The following MGRN1 variants were observed in gnomAD, a reference collection of about 807,000 sequenced individuals.
MGRN1 encodes E3 ubiquitin-protein ligase MGRN1.
In MGRN1, 29 loss-of-function variants were observed where a neutral mutation model predicts 69.2. The observed-to-expected ratio is 0.42, with a 90% CI of 0.31 to 0.57. The LOEUF is 0.57. MGRN1 is among the 20% of genes least tolerant of loss of function. The pLI, the probability that MGRN1 is intolerant of heterozygous loss-of-function variation, is 0.15. For synonymous variants in MGRN1, 470 were observed against 344.2 expected (o/e 1.37, Z -4.04); for missense variants, 998 against 796.2 (o/e 1.25, Z -3.05).
rs1368841503 is a variant in MGRN1, at chr16:4,665,260, G to A, written c.678+109G>A. The A allele has an allele frequency of 2.5e-6, 3 of 1,200,622 alleles. No homozygotes were observed. The South Asian group carries it at 4.0e-5, about 16-fold the overall frequency. The allele number at this position is 1,200,622 out of a possible 1,614,324, so 74.4% of individuals were successfully genotyped here. On this transcript the variant is annotated intron_variant, in intron 7 of 16. Coordinates refer to ENST00000262370, the MANE Select transcript of MGRN1 (RefSeq NM_015246.4). ...GGCTGGGGCTTGGTGGGGTGGCTGA[G>A]TGTCAAGGGCCCCGGGGCAGGTTGG...
chr16:4,653,228 A>G (rs2078448043), intron 4 of MGRN1, among the ~76,000 whole-genome samples: 1 of 152,194 alleles, frequency 6.6e-6, no homozygotes, highest in Non-Finnish European at 1.5e-5. Flanking sequence ...AACCCAGGGA[A>G]ACACTTGGCT....
chr16:4,652,944 C>G, intron 4 of MGRN1, 120 bp downstream of exon 4: 2 of 1,281,064 alleles, frequency 1.6e-6, no homozygotes, highest in Non-Finnish European at 2.1e-6. Flanking sequence ...ACCATACTCC[C>G]AGGACTTTAC....
At chr16:4,664,314 T>G (rs1463081032) in intron 5 of MGRN1, 4 of 287,026 alleles carry the variant, frequency 1.4e-5, no homozygotes, top group Non-Finnish European at 2.7e-5. Flanking sequence ...AAATGGCAAA[T>G]CCCTGGAGAC....
At chr16:4,659,692 G>A (rs1373815309) in intron 5 of MGRN1, among the ~76,000 whole-genome samples, 1 of 152,276 alleles carries the variant, frequency 6.6e-6, no homozygotes, top group Non-Finnish European at 1.5e-5. Context: ...AGGGGCAGCT[G>A]CTGCTGCGGG....
chr16:4,642,192 G>A (rs1027924171), intron 1 of MGRN1, among the ~76,000 whole-genome samples: 27 of 150,530 alleles, frequency 1.8e-4, no homozygotes, highest in Admixed American at 1.1e-3. Flanking sequence ...GTGCAGTGGC[G>A]CGATTTCAGC....
At chr16:4,666,934 G>A (rs2078818411) in intron 7 of MGRN1, among the ~76,000 whole-genome samples, 1 of 152,214 alleles carries the variant, frequency 6.6e-6, no homozygotes, top group Admixed American at 6.5e-5. Context: ...ACCTGGCATG[G>A]GTTTCTGCTG....
rs2079398743 is a variant in MGRN1, at chr16:4,688,937, C to T, written c.*29C>T. On this transcript the variant is annotated 3_prime_UTR_variant, in exon 17 of 17. Transcript: ENST00000262370. The stretch of plus-strand genomic sequence containing the variant: ...CCTGGCCGAGCTGGCAGCATGGAGC[C>T]CTCGGCTCCCCAGACTTTGCCGAGG... The T allele has an allele frequency of 1.1e-5, 17 of 1,522,154 alleles. No individual in the cohort carries two copies. Among genetic ancestry groups the T allele is most frequent in the Admixed American group, 4.0e-5 (2 of 49,704 alleles). 94.3% of individuals were successfully genotyped at this position (1,522,154 alleles called of 1,614,324 possible).
intron 4 of MGRN1, among the ~76,000 whole-genome samples, chr16:4,656,882 A>AAAATAAAT (rs57256799): frequency 3.1e-4 from 46 of 146,840 alleles, no homozygotes; most frequent in African/African-American, 7.5e-4. Context: ...TCTTATCTCA[A>AAAATAAAT]AAATAAATAA....
chr16:4,655,562 C>T (rs1356878230), intron 4 of MGRN1, among the ~76,000 whole-genome samples: 1 of 151,454 alleles, frequency 6.6e-6, no homozygotes, highest in Non-Finnish European at 1.5e-5. Context: ...GGAACAGCTC[C>T]AGTGCCACTG....
At chr16:4,659,330 G>C (rs907578128) in intron 5 of MGRN1, among the ~76,000 whole-genome samples, 1 of 152,162 alleles carries the variant, frequency 6.6e-6, no homozygotes, top group Non-Finnish European at 1.5e-5. Flanking sequence ...GCTCTGGGGA[G>C]TGGGAGTTTG....
chr16:4,687,462 C>T, intron 16 of MGRN1: 2 of 948,910 alleles, frequency 2.1e-6, no homozygotes, highest in Non-Finnish European at 2.5e-6. Context: ...GGGAGGATTG[C>T]CGGAGCTGGG....
At chr16:4,649,472 C>T (rs905622803) in intron 1 of MGRN1, 1 of 152,218 alleles carries the variant, frequency 6.6e-6, no homozygotes, top group Non-Finnish European at 1.5e-5. Flanking sequence ...GCCCCAGGCA[C>T]TCATTGTCAT....
rs1202783949 is a variant in MGRN1, at chr16:4,682,869, A to C, written c.1405A>C (p.Lys469Gln). The change falls in exon 14 of 17, where the codon AAG becomes CAG. Residue 469 changes from lysine to glutamine, a missense_variant. Coordinates refer to ENST00000262370, the MANE Select transcript of MGRN1 (RefSeq NM_015246.4). ...CCCCATCCACGAAGAGGATGAGGAG[A>C]AGCTCTCCGAGGACGTGGACGCCCC... ...SSPIHEEDEE[K>Q]LSEDVDAPPP... 5.0e-6 allele frequency: 8 copies of C among 1,608,738 alleles called. No individual in the cohort carries two copies. The highest frequency in any genetic ancestry group is 6.8e-6 in the Non-Finnish European group (8 of 1,176,336).
At chr16:4,651,133 A>G (rs1370557410) in intron 2 of MGRN1, 1 of 152,018 alleles carries the variant, frequency 6.6e-6, no homozygotes, top group African/African-American at 2.4e-5. Flanking sequence ...AAGAATATTT[A>G]CTTTCCCTAG....
In MGRN1 at chr16:4,682,413, G is replaced by T. The variant is rs544612893; in HGVS notation, c.1359-410G>T. ...CTGTGCCTCAGGCCTGTCGGTTCTCGTAGAAGAGTGTCAGGAAGGCGCGGG... is the reference window on the plus strand; with the variant it reads ...CTGTGCCTCAGGCCTGTCGGTTCTCTTAGAAGAGTGTCAGGAAGGCGCGGG... On this transcript the variant is annotated intron_variant, in intron 13 of 16. Coordinates refer to ENST00000262370, the MANE Select transcript of MGRN1 (RefSeq NM_015246.4). Among the ~76,000 whole-genome samples the T allele has an allele frequency of 1.1e-3, 173 of 152,306 alleles. 1 individual carries two copies. Among genetic ancestry groups the T allele is most frequent in the African/African-American group, 3.4e-3 (141 of 41,570 alleles).
chr16:4,673,803 C>T (rs1480841570), intron 10 of MGRN1, 146 bp downstream of exon 10: 32 of 1,105,216 alleles, frequency 2.9e-5, no homozygotes, highest in Middle Eastern at 2.4e-4. Context: ...TGAACGTGGG[C>T]GTGTTGGCTG....
intron 1 of MGRN1, among the ~76,000 whole-genome samples, chr16:4,641,136 T>G (rs987228742): frequency 2.0e-5 from 3 of 152,196 alleles, no homozygotes; most frequent in African/African-American, 7.2e-5. Flanking sequence ...CTGCTCCTCT[T>G]GGTCCTGAGC....
intron 1 of MGRN1, among the ~76,000 whole-genome samples, chr16:4,644,350 C>G (rs575033046): frequency 6.9e-6 from 1 of 144,442 alleles, no homozygotes; most frequent in East Asian, 2.0e-4. Flanking sequence ...TCTTGTTGTC[C>G]AGGCTGGAGT....
chr16:4,662,636 C>T (rs1050447062), intron 5 of MGRN1, among the ~76,000 whole-genome samples: 4 of 152,158 alleles, frequency 2.6e-5, no homozygotes, highest in South Asian at 2.1e-4. Context: ...GAAACCCATG[C>T]GGTAGCGTGG....
Sources: gnomAD v4.1 joint callset for allele counts (sites outside exome capture counted in the v4.1 genomes callset) on GRCh38, gnomAD v4.1.1 for gene constraint, MANE v1.5 for transcripts, NCBI Gene and HGNC (gene_info 2026-07-23, HGNC 2026-07-21) for gene names.